The following QTMAN variants were observed in gnomAD, a reference collection of about 807,000 sequenced individuals.
QTMAN encodes the protein tRNA-queuosine alpha-mannosyltransferase.
At chr2:144,252,514 A>G in the QTMAN span, among the ~76,000 whole-genome samples, 1 of 152,252 alleles carries the variant, frequency 6.6e-6, no homozygotes, top group Admixed American at 6.5e-5. Context: ...AGGAAATCAC[A>G]AAATGAAACA....
At chr2:144,295,565 T>C in the QTMAN span, among the ~76,000 whole-genome samples, 1 of 152,204 alleles carries the variant, frequency 6.6e-6, no homozygotes, top group Non-Finnish European at 1.5e-5. Flanking sequence ...TCCTAGAGGA[T>C]GAGAACAATA....
chr2:144,306,758 T>C, the QTMAN span, among the ~76,000 whole-genome samples: 1 of 152,072 alleles, frequency 6.6e-6, no homozygotes. Flanking sequence ...ATATCCTCCA[T>C]AGATAACATA....
the QTMAN span, among the ~76,000 whole-genome samples, chr2:144,020,828 C>T: frequency 2.6e-5 from 4 of 151,140 alleles, no homozygotes; most frequent in Admixed American, 6.6e-5. Flanking sequence ...ATAATTGCAT[C>T]CATGGCAGAA....
chr2:144,294,917 A>C, the QTMAN span, among the ~76,000 whole-genome samples: 1 of 152,302 alleles, frequency 6.6e-6, no homozygotes, highest in East Asian at 1.9e-4. Flanking sequence ...GTGGATTCCT[A>C]GTTAGGGGAT....
chr2:144,241,891 G>C, the QTMAN span, among the ~76,000 whole-genome samples: 1 of 151,952 alleles, frequency 6.6e-6, no homozygotes, highest in East Asian at 1.9e-4. Flanking sequence ...TAGTAACGAA[G>C]CTATGAGCTA....
the QTMAN span, among the ~76,000 whole-genome samples, chr2:144,298,308 G>A: frequency 2.6e-5 from 4 of 152,104 alleles, no homozygotes; most frequent in Middle Eastern, 3.2e-3. Context: ...GTGAGCCACC[G>A]CGCCCAGAGA....
At chr2:144,145,479 G>T in the QTMAN span, 1 of 799,626 alleles carries the variant, frequency 1.3e-6, no homozygotes, top group Non-Finnish European at 2.0e-6. Flanking sequence ...TTAAAAAAAG[G>T]TGTACAATAG....
the QTMAN span, among the ~76,000 whole-genome samples, chr2:144,044,244 A>T: frequency 6.6e-6 from 1 of 152,346 alleles, no homozygotes; most frequent in Admixed American, 6.5e-5. Flanking sequence ...CTTAAAAAAA[A>T]TACATACATA....
chr2:143,999,654 C>T, the QTMAN span, among the ~76,000 whole-genome samples: 1 of 152,056 alleles, frequency 6.6e-6, no homozygotes, highest in African/African-American at 2.4e-5. Context: ...ATCTACTTCC[C>T]AACTCACCCA....
the QTMAN span, among the ~76,000 whole-genome samples, chr2:144,017,436 T>C: frequency 2.0e-5 from 3 of 152,222 alleles, no homozygotes; most frequent in African/African-American, 7.2e-5. Flanking sequence ...TTCTCATCTG[T>C]ACAGTAAGAA....
chr2:144,305,710 T>C, the QTMAN span, among the ~76,000 whole-genome samples: 1 of 152,218 alleles, frequency 6.6e-6, no homozygotes. Context: ...CAATATTAAG[T>C]CATCTAGATC....
At chr2:143,986,458 C>T in the QTMAN span, among the ~76,000 whole-genome samples, 2 of 152,166 alleles carry the variant, frequency 1.3e-5, no homozygotes, top group African/African-American at 4.8e-5. Context: ...AGGCTGCTCC[C>T]CTCTTCCACC....
chr2:144,051,527 TAAC>T, the QTMAN span, among the ~76,000 whole-genome samples: 13 of 152,134 alleles, frequency 8.5e-5, no homozygotes, highest in South Asian at 2.1e-4. Flanking sequence ...CTAACAACAA[TAAC>T]AACAACAACT....
At chr2:144,111,853 A>G in the QTMAN span, among the ~76,000 whole-genome samples, 5 of 152,340 alleles carry the variant, frequency 3.3e-5, no homozygotes, top group East Asian at 5.8e-4. Flanking sequence ...TGCTTAAAAA[A>G]CAATGAAATG....
At chr2:144,014,924 A>G in the QTMAN span, among the ~76,000 whole-genome samples, 2 of 152,192 alleles carry the variant, frequency 1.3e-5, no homozygotes, top group African/African-American at 4.8e-5. Context: ...CTCTTCTGGC[A>G]ACACCACTTA....
At chr2:144,260,311 C>T in the QTMAN span, among the ~76,000 whole-genome samples, 1 of 151,792 alleles carries the variant, frequency 6.6e-6, no homozygotes, top group African/African-American at 2.4e-5. Context: ...TTAGTTCTCC[C>T]TCTATAAATA....
the QTMAN span, among the ~76,000 whole-genome samples, chr2:144,237,960 A>G: frequency 1.5e-4 from 23 of 152,306 alleles, no homozygotes; most frequent in African/African-American, 5.1e-4. Flanking sequence ...CATAACAGCC[A>G]TGTGAGAGAG....
chr2:143,968,948 A>G, the QTMAN span, among the ~76,000 whole-genome samples: 2 of 152,282 alleles, frequency 1.3e-5, no homozygotes, highest in East Asian at 1.9e-4. Flanking sequence ...AGGTTTCATC[A>G]TATTTCTTTC....
At chr2:144,264,148 T>C in the QTMAN span, among the ~76,000 whole-genome samples, 2 of 152,196 alleles carry the variant, frequency 1.3e-5, no homozygotes, top group East Asian at 3.8e-4. Flanking sequence ...TAATATTTAT[T>C]TGTCAAAACA....
Sources: gnomAD v4.1 joint callset for allele counts (sites outside exome capture counted in the v4.1 genomes callset) on GRCh38, gnomAD v4.1.1 for gene constraint, MANE v1.5 for transcripts, NCBI Gene and HGNC (gene_info 2026-07-23, HGNC 2026-07-21) for gene names.